Variants in EXD3 observed in about 807,000 individuals in gnomAD.
EXD3 encodes the protein exonuclease mut-7 homolog.
Under a neutral mutation model 98.0 loss-of-function variants are expected in EXD3, and 92 were observed. The ratio of observed to expected loss-of-function variants is 0.94; its 90% CI spans 0.79 to 1.12. EXD3 has a LOEUF of 1.12. EXD3 is among the 50% of genes most tolerant of loss of function. The probability of loss-of-function intolerance (pLI) is 0.00; values close to 1 mark genes in which losing one functional copy is unlikely to be tolerated. For missense variants in EXD3, 1,222 were observed against 1,191.6 expected (o/e 1.03, Z -0.38); for synonymous variants, 569 against 526.0 (o/e 1.08, Z -1.12).
intron 17 of EXD3, among the ~76,000 whole-genome samples, chr9:137,334,132 G>A (rs1320225285): frequency 4.6e-5 from 7 of 152,160 alleles, no homozygotes; most frequent in Non-Finnish European, 1.0e-4. Flanking sequence ...CTCCCGAGTA[G>A]CTGGGACTAC....
intron 5 of EXD3, among the ~76,000 whole-genome samples, chr9:137,368,337 C>T (rs1345246161): frequency 1.3e-5 from 2 of 152,198 alleles, no homozygotes; most frequent in African/African-American, 4.8e-5. Context: ...GGGGTCAAGG[C>T]AAGGCGCAAA....
At chr9:137,410,968 G>C (rs1025037446) in intron 1 of EXD3, among the ~76,000 whole-genome samples, 2 of 151,868 alleles carry the variant, frequency 1.3e-5, no homozygotes, top group African/African-American at 4.8e-5. Context: ...GCGTCTCAGG[G>C]GACTGCAGGT....
chr9:137,422,735 A>AGGGC (rs1208843917), intron 1 of EXD3, among the ~76,000 whole-genome samples: 3 of 152,168 alleles, frequency 2.0e-5, no homozygotes, highest in East Asian at 1.9e-4. Context: ...CGGGGAGGGC[A>AGGGC]GGGCGGGCGC....
chr9:137,357,693 T>C (rs1301954050), intron 7 of EXD3, among the ~76,000 whole-genome samples: 1 of 149,308 alleles, frequency 6.7e-6, no homozygotes, highest in African/African-American at 2.5e-5. Context: ...GGGACAGAAC[T>C]CATAGGATAT....
chr9:137,329,145 AG>A (rs770230324), intron 17 of EXD3, among the ~76,000 whole-genome samples: 5 of 1,274 alleles, frequency 3.9e-3, no homozygotes, highest in East Asian at 0.5. Context: ...GCTACACGGG[AG>A]CTACACGGGG....
chr9:137,330,139 AACTACACCGGAG>A (rs1832940500), intron 17 of EXD3, among the ~76,000 whole-genome samples: 2 of 100,778 alleles, frequency 2.0e-5, no homozygotes, highest in African/African-American at 3.9e-5. Flanking sequence ...GCTACACAGG[AACTACACCGGAG>A]CTACACAGGA....
intron 17 of EXD3, among the ~76,000 whole-genome samples, chr9:137,328,300 A>T (rs60646056): frequency 5.2e-3 from 6 of 1,164 alleles, no homozygotes; most frequent in African/African-American, 9.2e-3. Flanking sequence ...ACAACGAATA[A>T]ACACCCATAT....
chr9:137,366,118 A>C, intron 7 of EXD3: 2 of 695,704 alleles, frequency 2.9e-6, no homozygotes, highest in Non-Finnish European at 5.2e-6. Context: ...TTTTCTCTGT[A>C]ATTGCTGACA....
intron 19 of EXD3, among the ~76,000 whole-genome samples, chr9:137,312,046 G>A (rs577008893): frequency 3.3e-5 from 5 of 152,282 alleles, no homozygotes; most frequent in South Asian, 2.1e-4. Context: ...GGCACTCGGC[G>A]GGCCAGGACT....
At position 137,411,657 on chromosome 9, in the gene EXD3, C is replaced by T. The variant is rs553323199; in HGVS notation, c.-48+11457G>A. Among the ~76,000 whole-genome samples, 299 of 149,600 alleles carry T rather than the reference C, an allele frequency of 2.0e-3. 1 individual carries two copies. Among genetic ancestry groups the T allele is most frequent in the African/African-American group, 7.1e-3 (288 of 40,716 alleles). On this transcript the variant is annotated intron_variant, in intron 1 of 21. Coordinates refer to ENST00000340951, the MANE Select transcript of EXD3 (RefSeq NM_017820.5). ...CCATCGGTGCCACAGCACCACCAGC[C>T]CCGGGACCTGGAAAAGGAGCGGCAG...
chr9:137,355,760 A>G (rs1446261964), intron 8 of EXD3, among the ~76,000 whole-genome samples: 3 of 150,992 alleles, frequency 2.0e-5, no homozygotes, highest in African/African-American at 7.4e-5. Flanking sequence ...AAATCCAGAT[A>G]AAATTCAAAC....
At chr9:137,368,901 CAGGGCTGT>C (rs1237454512) in intron 5 of EXD3, among the ~76,000 whole-genome samples, 1 of 129,948 alleles carries the variant, frequency 7.7e-6, no homozygotes, top group Admixed American at 7.7e-5. Flanking sequence ...GGCGGGGCCC[CAGGGCTGT>C]GGGCAGGGGC....
intron 3 of EXD3, among the ~76,000 whole-genome samples, chr9:137,377,788 ATTT>A (rs571059789): frequency 7.6e-6 from 1 of 131,782 alleles, no homozygotes; most frequent in Admixed American, 7.7e-5. Context: ...TAGTCGTTGA[ATTT>A]TTTTTTTTTT....
intron 2 of EXD3, among the ~76,000 whole-genome samples, chr9:137,390,055 G>C (rs1343955853): frequency 6.8e-6 from 1 of 147,912 alleles, no homozygotes; most frequent in Admixed American, 6.8e-5. Context: ...CTGGGAGGTG[G>C]AGGTTGCAGT....
intron 1 of EXD3, among the ~76,000 whole-genome samples, chr9:137,416,658 C>T (rs1189021491): frequency 6.6e-6 from 1 of 152,220 alleles, no homozygotes; most frequent in Non-Finnish European, 1.5e-5. Flanking sequence ...CCACGCCAGG[C>T]GGCCACCCTC....
intron 14 of EXD3, among the ~76,000 whole-genome samples, chr9:137,350,088 G>A (rs1248762606): frequency 1.3e-5 from 1 of 79,624 alleles, no homozygotes; most frequent in Non-Finnish European, 2.4e-5. Context: ...ACGAGGAGGG[G>A]CTAGATAGAG....
chr9:137,392,573 A>G, intron 2 of EXD3: 1 of 234,898 alleles, frequency 4.3e-6, no homozygotes, highest in Non-Finnish European at 8.6e-6. Context: ...CCTCTTGTGG[A>G]GCTGGCCTTG....
chr9:137,324,000 C>A, intron 18 of EXD3, 90 bp downstream of exon 18: 1 of 1,532,086 alleles, frequency 6.5e-7, no homozygotes. Flanking sequence ...GGCCCCACGG[C>A]AAGCTGACCC....
intron 17 of EXD3, among the ~76,000 whole-genome samples, chr9:137,337,446 T>A (rs1455115177): frequency 1.3e-5 from 2 of 151,818 alleles, no homozygotes; most frequent in Non-Finnish European, 1.5e-5. Flanking sequence ...AGGTCAGGAG[T>A]TCCAGACCAG....
Sources: allele counts gnomAD v4.1 joint callset (sites outside exome capture counted in the v4.1 genomes callset), GRCh38; gene constraint gnomAD v4.1.1; transcripts MANE v1.5; gene names NCBI Gene and HGNC (gene_info 2026-07-23, HGNC 2026-07-21).